The following NECTIN3 variants were observed in gnomAD, a reference collection of about 807,000 sequenced individuals.
The protein encoded by NECTIN3 is nectin cell adhesion molecule 3.
Under a neutral mutation model 49.4 loss-of-function variants are expected in NECTIN3, and 8 were observed. The ratio of observed to expected loss-of-function variants is 0.16; its 90% CI spans 0.10 to 0.29. The LOEUF is 0.29. Ranked by LOEUF, NECTIN3 falls within the 10% of genes least tolerant of loss-of-function variation. NECTIN3 has a pLI of 1.00. For synonymous variants in NECTIN3, 277 were observed against 241.1 expected, an observed-to-expected ratio of 1.15 and a Z score of -1.38; for missense variants, 581 against 654.6, an observed-to-expected ratio of 0.89 and a Z score of 1.23.
At chr3:111,118,602 T>C (rs2033809097) in intron 2 of NECTIN3, 54 bp from the exon 3 acceptor site, 5 of 1,414,022 alleles carry the variant, frequency 3.5e-6, no homozygotes, top group East Asian at 5.0e-5. Context: ...CTTGGAAAGA[T>C]ATAAACATAT....
chr3:111,074,314 T>C (rs2031019591), intron 1 of NECTIN3: 1 of 454,456 alleles, frequency 2.2e-6, no homozygotes. Context: ...GTTATAATGA[T>C]GTTCATAGTA....
rs529659148 is a variant in NECTIN3, at chr3:111,145,084, T to C, written c.1139+47T>C. On this transcript the variant is annotated intron_variant, in intron 6 of 8. Transcript: ENST00000493615. ...GTTCAACTATGAATATCAGTATGTG[T>C]CCAATCTTTATGTTTACCTTTACAG... 11 of 1,493,448 alleles carry C rather than the reference T, an allele frequency of 7.4e-6. No homozygotes were observed. The East Asian group carries it at 2.5e-4, about 33-fold the overall frequency. 92.5% of individuals were successfully genotyped at this position (1,493,448 alleles called of 1,614,324 possible).
intron 1 of NECTIN3, among the ~76,000 whole-genome samples, chr3:111,088,280 A>G (rs1186886669): frequency 1.3e-5 from 2 of 152,158 alleles, no homozygotes; most frequent in Non-Finnish European, 2.9e-5. Flanking sequence ...TGATCTCTGT[A>G]CAACCCAGCT....
At chr3:111,118,264 ATATATATATATATATATATT>A (rs1358062795) in intron 2 of NECTIN3, among the ~76,000 whole-genome samples, 1 of 137,872 alleles carries the variant, frequency 7.3e-6, no homozygotes, top group Non-Finnish European at 1.6e-5. Context: ...ATATATATAT[ATATATATATATATATATATT>A]ATACATATAT....
rs201277209 is a variant in NECTIN3 at position 111,133,747 on chromosome 3, G to A, written c.1182G>A (p.Leu394=). 6.2e-7 allele frequency: 1 copy of A among 1,613,894 alleles called. No individual in the cohort carries two copies. Among genetic ancestry groups the A allele is most frequent in the East Asian group, 2.2e-5 (1 of 44,870 alleles). The change falls in exon 6 of 6, where the codon TTG becomes TTA. Residue 394 remains leucine (L), a synonymous_variant. Transcript: ENST00000485303. Reference sequence around the variant, plus strand: ...AATTGCCCTTCCCATTGTCAACTTTGGCAACAATTAAGGATGACACAATTG... The same window carrying A: ...AATTGCCCTTCCCATTGTCAACTTTAGCAACAATTAAGGATGACACAATTG... ...PKKLPFPLST[L]ATIKDDTIAT...
At chr3:111,184,116 C>G (rs1481242120) in intron 7 of NECTIN3, among the ~76,000 whole-genome samples, 1 of 152,044 alleles carries the variant, frequency 6.6e-6, no homozygotes, top group Non-Finnish European at 1.5e-5. Flanking sequence ...AGTGTCTACT[C>G]TGCTACTAAG....
chr3:111,171,256 A>G (rs980242013), intron 7 of NECTIN3, among the ~76,000 whole-genome samples: 1 of 152,188 alleles, frequency 6.6e-6, no homozygotes, highest in African/African-American at 2.4e-5. Flanking sequence ...ATGGGTTTCA[A>G]GTACTGAAAA....
At chr3:111,130,887 GTTTC>G (rs1232097812) in intron 5 of NECTIN3, among the ~76,000 whole-genome samples, 2 of 152,120 alleles carry the variant, frequency 1.3e-5, no homozygotes, top group Non-Finnish European at 2.9e-5. Context: ...ACTAATACCT[GTTTC>G]TTATCTTTAA....
chr3:111,137,503 G>A lies in NECTIN3; in HGVS notation c.*3288G>A. On this transcript the variant is annotated 3_prime_UTR_variant, in exon 6 of 6. Transcript: ENST00000485303. The stretch of plus-strand genomic sequence containing the variant: ...TAACCAACCTGTGTATTAGGTGTTA[G>A]CCCCAATAGCCATGCATGAAATCTT... 1 of 974,042 alleles carries A rather than the reference G, an allele frequency of 1.0e-6. No individual in the cohort carries two copies. Among genetic ancestry groups the A allele is most frequent in the Non-Finnish European group, 1.2e-6 (1 of 822,248 alleles). 60.3% of individuals were successfully genotyped at this position (974,042 alleles called of 1,614,324 possible).
chr3:111,186,239 T>C (rs938308983), intron 7 of NECTIN3, among the ~76,000 whole-genome samples: 18 of 152,078 alleles, frequency 1.2e-4, no homozygotes, highest in Non-Finnish European at 2.4e-4. Context: ...AAAAAGAGTT[T>C]GAATAGCCAA....
intron 1 of NECTIN3, among the ~76,000 whole-genome samples, chr3:111,089,700 T>C (rs2032145637): frequency 2.0e-5 from 3 of 152,254 alleles, no homozygotes; most frequent in South Asian, 4.1e-4. Context: ...TTTGGCAATT[T>C]TGTGTGCACT....
At chr3:111,111,212 G>T (rs2033446013) in intron 1 of NECTIN3, among the ~76,000 whole-genome samples, 1 of 152,066 alleles carries the variant, frequency 6.6e-6, no homozygotes, top group Non-Finnish European at 1.5e-5. Flanking sequence ...AGTCATGAAT[G>T]TTAGCTTTAT....
chr3:111,190,024 C>CT (rs1314947934), upstream of NECTIN3, among the ~76,000 whole-genome samples: 2 of 152,212 alleles, frequency 1.3e-5, no homozygotes, highest in African/African-American at 4.8e-5. Flanking sequence ...GCAGGGATGC[C>CT]TGTGAGCCTA....
chr3:111,132,885 A>T (rs2034443976), intron 5 of NECTIN3, among the ~76,000 whole-genome samples: 1 of 151,978 alleles, frequency 6.6e-6, no homozygotes, highest in Non-Finnish European at 1.5e-5. Context: ...ATTACTTTAT[A>T]ACATATTTTT....
chr3:111,155,860 C>A (rs1302331692), intron 7 of NECTIN3, among the ~76,000 whole-genome samples: 1 of 152,086 alleles, frequency 6.6e-6, no homozygotes, highest in African/African-American at 2.4e-5. Flanking sequence ...AGACCTCAGT[C>A]CCTGCCTTAC....
chr3:111,162,672 C>T (rs1189944031), intron 7 of NECTIN3, among the ~76,000 whole-genome samples: 1 of 152,072 alleles, frequency 6.6e-6, no homozygotes, highest in Non-Finnish European at 1.5e-5. Flanking sequence ...TATACAGAAC[C>T]ACAGCCAACA....
intron 2 of NECTIN3, among the ~76,000 whole-genome samples, chr3:111,117,223 C>A (rs1238388107): frequency 6.6e-6 from 1 of 151,944 alleles, no homozygotes; most frequent in African/African-American, 2.4e-5. Context: ...AAAGTTGAGT[C>A]AAAGAAAAAG....
intron 1 of NECTIN3, among the ~76,000 whole-genome samples, chr3:111,094,007 T>C (rs1009964202): frequency 2.6e-5 from 4 of 152,192 alleles, no homozygotes; most frequent in Admixed American, 6.5e-5. Context: ...ACAGTTACTT[T>C]ATTTCATTGG....
At chr3:111,126,425 TG>T in intron 5 of NECTIN3, 90 bp downstream of exon 5, 1 of 1,126,378 alleles carries the variant, frequency 8.9e-7, no homozygotes, top group Non-Finnish European at 1.3e-6. Context: ...AATTTGTACT[TG>T]TAAAGATACA....
Sources: gnomAD v4.1 joint callset for allele counts (sites outside exome capture counted in the v4.1 genomes callset) on GRCh38, gnomAD v4.1.1 for gene constraint, MANE v1.5 for transcripts, NCBI Gene and HGNC (gene_info 2026-07-23, HGNC 2026-07-21) for gene names.